KCNMB4: variants seen among roughly 807,000 people sequenced by gnomAD.
KCNMB4 encodes calcium-activated potassium channel subunit beta-4.
In KCNMB4, 3 loss-of-function variants were observed where a neutral mutation model predicts 20.7. The observed-to-expected ratio is 0.14, with a 90% CI of 0.07 to 0.37. The LOEUF is 0.37. Ranked by LOEUF, KCNMB4 falls within the 10% of genes least tolerant of loss-of-function variation. KCNMB4 has a pLI of 1.00. For synonymous variants in KCNMB4, 110 were observed against 113.4 expected (o/e 0.97, Z 0.19); for missense variants, 168 against 265.9 (o/e 0.63, Z 2.56).
rs560344567 is a variant in KCNMB4 at position 70,400,396 on chromosome 12, C to G, written c.464+60C>G. The stretch of plus-strand genomic sequence containing the variant: ...TTTGTAGACTCTGCAGCTTATTACA[C>G]TGTTATATCGTAGATTATGCCCACT... On this transcript the variant is annotated intron_variant, in intron 2 of 2. Transcript: ENST00000258111. The G allele has an allele frequency of 1.2e-5, 18 of 1,529,122 alleles. No individual in the cohort carries two copies. The South Asian group carries it at 2.1e-4, about 18-fold the overall frequency. 94.7% of individuals were successfully genotyped at this position (1,529,122 alleles called of 1,614,324 possible).
intron 2 of KCNMB4, among the ~76,000 whole-genome samples, chr12:70,408,288 A>G (rs1868668637): frequency 6.6e-6 from 1 of 152,104 alleles, no homozygotes. Flanking sequence ...GGTGCCATCT[A>G]CTCTTAGTAC....
intron 2 of KCNMB4, among the ~76,000 whole-genome samples, chr12:70,405,118 T>A (rs1408659308): frequency 2.0e-5 from 3 of 152,134 alleles, no homozygotes; most frequent in African/African-American, 7.2e-5. Flanking sequence ...CTTTGATAAG[T>A]ACAGACTACT....
At chr12:70,370,153 G>A (rs759287260) in intron 1 of KCNMB4, among the ~76,000 whole-genome samples, 35 of 152,074 alleles carry the variant, frequency 2.3e-4, no homozygotes, top group Admixed American at 4.6e-4. Flanking sequence ...ATTCTAATGT[G>A]AAGACAAGAT....
rs996269426 is a variant in KCNMB4, at chr12:70,425,330, C to T, written c.465-5155C>T. Among the ~76,000 whole-genome samples, 6 of 151,886 alleles carry T rather than the reference C, an allele frequency of 4.0e-5. No individual in the cohort carries two copies. In the South Asian group the frequency reaches 6.2e-4, roughly 16 times the overall value. ...GTGGGCGCCTGTAGTCCCAGCTACT[C>T]GGGAGGCTGAGGCAGGAGAATGGCG... is the stretch of plus-strand genomic sequence containing the variant. On this transcript the variant is annotated intron_variant, in intron 2 of 2. Coordinates refer to ENST00000258111, the MANE Select transcript of KCNMB4 (RefSeq NM_014505.6).
intron 2 of KCNMB4, among the ~76,000 whole-genome samples, chr12:70,423,400 C>T (rs927875659): frequency 7.9e-5 from 12 of 152,216 alleles, no homozygotes; most frequent in South Asian, 6.2e-4. Context: ...ATCAGCCTTT[C>T]GTTCATAGAT....
At chr12:70,420,370 C>T (rs1869019138) in intron 2 of KCNMB4, among the ~76,000 whole-genome samples, 1 of 152,068 alleles carries the variant, frequency 6.6e-6, no homozygotes, top group Admixed American at 6.5e-5. Context: ...ACTGGATTGC[C>T]TGAGTGTGCC....
chr12:70,382,432 CAAAAAAAAAAAAAAAA>C (rs397796979), intron 1 of KCNMB4, among the ~76,000 whole-genome samples: 2 of 87,980 alleles, frequency 2.3e-5, no homozygotes, highest in Non-Finnish European at 4.5e-5. Flanking sequence ...GACTCCGTCT[CAAAAAAAAAAAAAAAA>C]AAAAAAAAAT....
chr12:70,431,259 T>G lies in KCNMB4; in HGVS notation c.*606T>G, dbSNP rs1869357294. On this transcript the variant is annotated 3_prime_UTR_variant, in exon 3 of 3. Coordinates refer to ENST00000258111, the MANE Select transcript of KCNMB4 (RefSeq NM_014505.6). ...CAGTCTCCAGTCACCTCTGTGTCTCTTAAGCAAGAGATTCTAAAAGATTGG... is the reference window on the plus strand; with the variant it reads ...CAGTCTCCAGTCACCTCTGTGTCTCGTAAGCAAGAGATTCTAAAAGATTGG... 6.6e-6 allele frequency: 1 copy of G among 152,172 alleles called. No individual in the cohort carries two copies. Among genetic ancestry groups the G allele is most frequent in the Non-Finnish European group, 1.5e-5 (1 of 68,028 alleles). The allele number at this position is 152,172 out of a possible 1,614,324, so 9.4% of individuals were successfully genotyped here.
chr12:70,369,090 C>CAG (rs1408970521), intron 1 of KCNMB4, among the ~76,000 whole-genome samples: 2 of 152,126 alleles, frequency 1.3e-5, no homozygotes, highest in African/African-American at 4.8e-5. Context: ...GTAAAGTATT[C>CAG]AGGAACTGAC....
intron 1 of KCNMB4, among the ~76,000 whole-genome samples, chr12:70,367,690 G>A (rs1883520176): frequency 1.3e-5 from 2 of 152,016 alleles, no homozygotes; most frequent in Admixed American, 1.3e-4. Flanking sequence ...TAGTTTTCAT[G>A]AAATAGATTC....
chr12:70,406,013 A>G (rs1868589930), intron 2 of KCNMB4, among the ~76,000 whole-genome samples: 1 of 152,268 alleles, frequency 6.6e-6, no homozygotes, highest in African/African-American at 2.4e-5. Flanking sequence ...ACCAAGTGAA[A>G]GAAGCCAGAC....
In KCNMB4 at chr12:70,384,833, C is replaced by T. The variant is rs529261688; in HGVS notation, c.337-15376C>T. Reference sequence around the variant, plus strand: ...AGGTTACAGTGAGCTATGACTATGTCGCTGTACTCCAGCCTGAGCAACACA... The same window carrying T: ...AGGTTACAGTGAGCTATGACTATGTTGCTGTACTCCAGCCTGAGCAACACA... On this transcript the variant is annotated intron_variant, in intron 1 of 2. Coordinates refer to ENST00000258111, the MANE Select transcript of KCNMB4 (RefSeq NM_014505.6). Among the ~76,000 whole-genome samples, 5 of 133,582 alleles carry T rather than the reference C, an allele frequency of 3.7e-5. No individual in the cohort carries two copies. The South Asian group carries it at 9.5e-4, about 25-fold the overall frequency. 87.6% of individuals were successfully genotyped at this position (133,582 alleles called of 152,430 possible).
intron 1 of KCNMB4, among the ~76,000 whole-genome samples, chr12:70,379,015 T>A (rs1883738011): frequency 6.6e-6 from 1 of 152,196 alleles, no homozygotes; most frequent in Admixed American, 6.5e-5. Context: ...TTGAAAGGAA[T>A]CTTTTTTTCT....
At chr12:70,424,113 G>C (rs1256648171) in intron 2 of KCNMB4, among the ~76,000 whole-genome samples, 1 of 152,120 alleles carries the variant, frequency 6.6e-6, no homozygotes, top group Non-Finnish European at 1.5e-5. Context: ...CTTTTTAGGA[G>C]GACAAGTTAG....
intron 2 of KCNMB4, chr12:70,422,694 T>C (rs1433389032): frequency 7.8e-7 from 1 of 1,288,652 alleles, no homozygotes; most frequent in Non-Finnish European, 1.0e-6. Context: ...ATAAGCATCC[T>C]TCTGGTTTGC....
At position 70,366,676 on chromosome 12, in the gene KCNMB4, T is replaced by G. The variant is rs1883498262; in HGVS notation, c.-59T>G. The G allele has an allele frequency of 4.8e-6, 6 of 1,242,844 alleles. No homozygotes were observed. The highest frequency in any genetic ancestry group is 3.1e-5 in the Admixed American group (1 of 31,916). The allele number at this position is 1,242,844 out of a possible 1,614,324, so 77.0% of individuals were successfully genotyped here. A position where few individuals can be genotyped will look rare whatever the true frequency, so the allele number is the denominator to read the frequency against. On this transcript the variant is annotated 5_prime_UTR_variant, in exon 1 of 3. Coordinates refer to ENST00000258111, the MANE Select transcript of KCNMB4 (RefSeq NM_014505.6). ...CTCCTCCCGCCCGAGGCAGTCGGGC[T>G]CGGCGCCGGGGGCGGGAGGGGGCGG...
chr12:70,382,573 G>A (rs1883809720), intron 1 of KCNMB4, among the ~76,000 whole-genome samples: 1 of 151,796 alleles, frequency 6.6e-6, no homozygotes, highest in Non-Finnish European at 1.5e-5. Flanking sequence ...CATGTAGCAA[G>A]GACAGAAATC....
chr12:70,433,297 T>G lies in KCNMB4; in HGVS notation c.*2644T>G, dbSNP rs1869415846. ...ATGATGGCTCATGTAAGATAATTTA[T>G]TTTTTTCTCACATAGCAATCCAGAA... On this transcript the variant is annotated 3_prime_UTR_variant, in exon 3 of 3. Transcript: ENST00000258111. 1 of 152,222 alleles carries G rather than the reference T, an allele frequency of 6.6e-6. No homozygotes were observed. The highest frequency in any genetic ancestry group is 6.5e-5 in the Admixed American group (1 of 15,280). 9.4% of individuals were successfully genotyped at this position (152,222 alleles called of 1,614,324 possible).
At chr12:70,390,132 T>TA (rs1868288083) in intron 1 of KCNMB4, among the ~76,000 whole-genome samples, 1 of 152,214 alleles carries the variant, frequency 6.6e-6, no homozygotes, top group South Asian at 2.1e-4. Context: ...AAACTGATCA[T>TA]AGGCTTTAAG....
Sources: allele counts gnomAD v4.1 joint callset (sites outside exome capture counted in the v4.1 genomes callset), GRCh38; gene constraint gnomAD v4.1.1; transcripts MANE v1.5; gene names NCBI Gene and HGNC (gene_info 2026-07-23, HGNC 2026-07-21).